LDB3: variants seen among roughly 807,000 people sequenced by gnomAD.
LDB3 encodes the protein LIM domain binding 3, also known as LIM domain-binding protein 3.
In LDB3, 49 loss-of-function variants were observed where a neutral mutation model predicts 69.0. The observed-to-expected ratio is 0.71, with a 90% CI of 0.56 to 0.90. The LOEUF (loss-of-function observed/expected upper bound fraction) is 0.90, where lower values mean the gene tolerates loss of function less well. Among genes scored for constraint, LDB3 ranks in the 40% least tolerant of loss-of-function variants. The pLI, the probability that LDB3 is intolerant of heterozygous loss-of-function variation, is 0.00. For missense variants in LDB3, 928 were observed against 974.1 expected, an observed-to-expected ratio of 0.95 and a Z score of 0.63; for synonymous variants, 387 against 396.2, an observed-to-expected ratio of 0.98 and a Z score of 0.28.
At chr10:86,713,137 G>A (rs902579656) in intron 9 of LDB3, among the ~76,000 whole-genome samples, 1 of 151,878 alleles carries the variant, frequency 6.6e-6, no homozygotes, top group African/African-American at 2.4e-5. Flanking sequence ...TCAAAATCTG[G>A]TGTGTGTTTT....
chr10:86,721,517 C>T (rs182356166), intron 12 of LDB3, among the ~76,000 whole-genome samples: 109 of 152,342 alleles, frequency 7.2e-4, no homozygotes, highest in African/African-American at 2.6e-3. Context: ...TCATGGTCAC[C>T]TAGGGAACTT....
At position 86,716,602 on chromosome 10, in the gene LDB3, G is replaced by T; in HGVS notation, c.1507G>T (p.Gly503Cys). The T allele has an allele frequency of 6.2e-7, 1 of 1,613,736 alleles. No individual in the cohort carries two copies. The highest frequency in any genetic ancestry group is 8.5e-7 in the Non-Finnish European group (1 of 1,179,934). The change falls in exon 10 of 14, where the codon GGC becomes TGC. Residue 503 changes from glycine (G) to cysteine (C), a missense_variant. By Grantham distance (159) the Gly-to-Cys change is radical. Coordinates refer to ENST00000361373, the MANE Select transcript of LDB3 (RefSeq NM_007078.3). ...TAGCTTCTCCCAGAAGTTTGCCCCG[G>T]GCAAGAGCACCACCTCCATCAGCAA... is the stretch of plus-strand genomic sequence containing the variant. ...DDSFSQKFAP[G>C]KSTTSISKQT... is the part of the protein sequence containing the mutation.
intron 9 of LDB3, among the ~76,000 whole-genome samples, chr10:86,712,158 G>T (rs964168742): frequency 3.7e-4 from 56 of 152,128 alleles, no homozygotes; most frequent in African/African-American, 1.3e-3. Flanking sequence ...CGGAGCTGCC[G>T]GGCCGGGCCA....
chr10:86,720,728 C>CT (rs1379427161), intron 12 of LDB3, among the ~76,000 whole-genome samples: 2 of 152,192 alleles, frequency 1.3e-5, no homozygotes, highest in Admixed American at 1.3e-4. Flanking sequence ...CAATTTGTGT[C>CT]TGAGGCTTTT....
chr10:86,710,564 C>G (rs1846611289), intron 9 of LDB3, among the ~76,000 whole-genome samples: 2 of 152,238 alleles, frequency 1.3e-5, no homozygotes, highest in South Asian at 4.1e-4. Flanking sequence ...GCCTGGGCGA[C>G]AGAATGAGAC....
In LDB3 at chr10:86,733,066, G is replaced by A. The variant is rs1847532682; in HGVS notation, c.*90G>A. 2.2e-6 allele frequency: 2 copies of A among 899,110 alleles called. No individual in the cohort carries two copies. Among genetic ancestry groups the A allele is most frequent in the Non-Finnish European group, 3.6e-6 (2 of 550,836 alleles). The allele number at this position is 899,110 out of a possible 1,614,324, so 55.7% of individuals were successfully genotyped here. A position where few individuals can be genotyped will look rare whatever the true frequency, so the allele number is the denominator to read the frequency against. On this transcript the variant is annotated 3_prime_UTR_variant, in exon 14 of 14. Transcript: ENST00000361373. ...GGGAGGCTGATGTTTCTTCTGAGGG[G>A]AATGGGGAGAGAGAGGAAGCGACTG...
intron 2 of LDB3, among the ~76,000 whole-genome samples, chr10:86,676,906 C>T (rs896962265): frequency 3.3e-5 from 5 of 152,242 alleles, no homozygotes; most frequent in Non-Finnish European, 7.3e-5. Context: ...AGGCTTGGCA[C>T]CTGGGGCAAG....
At chr10:86,689,749 G>A (rs1021443847) in intron 5 of LDB3, among the ~76,000 whole-genome samples, 9 of 152,224 alleles carry the variant, frequency 5.9e-5, no homozygotes, top group African/African-American at 2.2e-4. Flanking sequence ...GACCACCCAT[G>A]GGAGGGGAAA....
chr10:86,679,484 T>A lies in LDB3; in HGVS notation c.211T>A (p.Ser71Thr). Reference protein sequence around the residue: ...THLEAQNKIKSASYNLSLTLQ... With the variant: ...THLEAQNKIKTASYNLSLTLQ... The stretch of plus-strand genomic sequence containing the variant: ...CCTGGAAGCCCAGAACAAGATCAAG[T>A]CTGCCAGCTACAACTTGAGCCTCAC... The change falls in exon 3 of 14, where the codon TCT becomes ACT. Residue 71 changes from serine (S) to threonine (T), a missense_variant. Coordinates refer to ENST00000361373, the MANE Select transcript of LDB3 (RefSeq NM_007078.3). 6.2e-7 allele frequency: 1 copy of A among 1,614,046 alleles called. No individual in the cohort carries two copies.
chr10:86,687,578 T>C (rs1845552631), intron 5 of LDB3, among the ~76,000 whole-genome samples: 1 of 152,248 alleles, frequency 6.6e-6, no homozygotes, highest in African/African-American at 2.4e-5. Flanking sequence ...ACTTCTACAG[T>C]CCTCTTAACA....
chr10:86,729,402 C>T (rs143477016), intron 13 of LDB3, among the ~76,000 whole-genome samples: 1 of 152,298 alleles, frequency 6.6e-6, no homozygotes, highest in African/African-American at 2.4e-5. Context: ...AATGTCTTAC[C>T]CATCCCTCTT....
chr10:86,680,096 T>C lies in LDB3; in HGVS notation c.260T>C (p.Ile87Thr). Residue 87 changes from isoleucine (I) to threonine (T), a missense_variant, in exon 4 of 14, where the codon ATT becomes ACT. Physicochemically the swap from Ile to Thr is moderately conservative, Grantham distance 89 (BLOSUM62 -1). Transcript: ENST00000361373. The part of the protein sequence containing the change: ...SLTLQKSKRP[I>T]PISTTAPPVQ... ...GGTTTCTACAGATCAAAGCGTCCCA[T>C]TCCCATCTCCACGACAGCACCTCCA... The C allele has an allele frequency of 6.2e-7, 1 of 1,614,114 alleles. No individual in the cohort carries two copies. The highest frequency in any genetic ancestry group is 1.6e-4 in the Middle Eastern group (1 of 6,062).
intron 13 of LDB3, chr10:86,726,456 G>A (rs1478853986): frequency 2.8e-5 from 17 of 609,226 alleles, no homozygotes; most frequent in African/African-American, 2.6e-4. Context: ...AACCAATGTG[G>A]CTTTGTTACT....
intron 12 of LDB3, among the ~76,000 whole-genome samples, chr10:86,724,368 G>T (rs745806610): frequency 1.3e-5 from 2 of 151,958 alleles, no homozygotes; most frequent in Non-Finnish European, 2.9e-5. Context: ...ACTTTGGGAG[G>T]CAGAGGCAGG....
chr10:86,699,244 TCTCTC>T lies in LDB3; in HGVS notation c.896+6674_896+6678del, dbSNP rs767898162. On this transcript the variant is annotated intron_variant, in intron 7 of 13. Transcript: ENST00000361373. This position sits in a 1 kb window ranked among gnomAD's most constrained non-coding sequence, Gnocchi z 4.9. ...CTTTCTGTCTCTGTCTCTGTTTCTCTCTCTCTCTCTCTCTCTCTCTCTCTGTGCCA... is the reference window on the plus strand; with the variant it reads ...CTTTCTGTCTCTGTCTCTGTTTCTCTTCTCTCTCTCTCTCTCTCTGTGCCA... 1 of 473,804 alleles carries T rather than the reference TCTCTC, an allele frequency of 2.1e-6. No homozygotes were observed. Among genetic ancestry groups the T allele is most frequent in the Admixed American group, 9.3e-5 (1 of 10,728 alleles). The allele number at this position is 473,804 out of a possible 1,614,324, so 29.3% of individuals were successfully genotyped here.
At position 86,699,453 on chromosome 10, in the gene LDB3, C is replaced by T. The variant is rs1846161560; in HGVS notation, c.896+6882C>T. ...CCCCACACAGATCTGGCATGTGAGCCCCACGGTGATGCTTGACAATGTATA... is the reference window on the plus strand; with the variant it reads ...CCCCACACAGATCTGGCATGTGAGCTCCACGGTGATGCTTGACAATGTATA... On this transcript the variant is annotated intron_variant, in intron 7 of 13. Transcript: ENST00000361373. The surrounding 1 kb of genome is among the most constrained non-coding windows in gnomAD (Gnocchi z 4.9). 10 of 1,607,498 alleles carry T rather than the reference C, an allele frequency of 6.2e-6. No individual in the cohort carries two copies. The South Asian group carries it at 1.1e-4, about 18-fold the overall frequency.
intron 12 of LDB3, among the ~76,000 whole-genome samples, chr10:86,719,670 G>A (rs768439543): frequency 2.0e-5 from 3 of 152,122 alleles, no homozygotes; most frequent in Non-Finnish European, 2.9e-5. Flanking sequence ...TCAAATATGC[G>A]AGACCCCTTC....
chr10:86,668,320 G>C, upstream of LDB3: 2 of 354,368 alleles, frequency 5.6e-6, no homozygotes, highest in Admixed American at 3.8e-5. Context: ...TCACCAACCA[G>C]GCCAGTTCCC....
At chr10:86,707,522 T>A (rs148974211) in intron 8 of LDB3, among the ~76,000 whole-genome samples, 2 of 152,204 alleles carry the variant, frequency 1.3e-5, no homozygotes, top group East Asian at 3.9e-4. Context: ...GACAGGTCAC[T>A]CTGCAGTGGC....
Sources: allele counts gnomAD v4.1 joint callset (sites outside exome capture counted in the v4.1 genomes callset), GRCh38; gene constraint gnomAD v4.1.1; non-coding constraint Gnocchi (gnomAD v3.1); transcripts MANE v1.5; gene names NCBI Gene and HGNC (gene_info 2026-07-23, HGNC 2026-07-21).